Variants in RHCE observed in about 807,000 individuals in gnomAD.
The protein encoded by RHCE is Rh blood group CcEe antigens.
A neutral mutation model predicts 43.8 loss-of-function variants in RHCE; 22 were observed. That is an observed-to-expected ratio of 0.50 (90% confidence interval 0.36 to 0.72). RHCE has a LOEUF of 0.72. Among genes scored for constraint, RHCE ranks in the 30% least tolerant of loss-of-function variants. RHCE has a pLI of 0.00. For missense variants in RHCE, 385 were observed against 525.4 expected, an observed-to-expected ratio of 0.73 and a Z score of 2.61; for synonymous variants, 156 against 210.7, an observed-to-expected ratio of 0.74 and a Z score of 2.25.
chr1:25,372,120 A>C (rs1645627950), intron 8 of RHCE, among the ~76,000 whole-genome samples: 1 of 151,676 alleles, frequency 6.6e-6, no homozygotes. Context: ...CACTAGGAAC[A>C]CCCACTTATA....
chr1:25,408,790 A>G lies in RHCE; in HGVS notation c.228T>C (p.Ser76=). ...TSNFRRHSWS[S]VAFNLFMLAL... Reference sequence around the variant, plus strand: ...CCAGCATGAAGAGGTTGAAGGCCACACTGCTCCAGCTGTGTCTCCGGAAAT... The same window carrying G: ...CCAGCATGAAGAGGTTGAAGGCCACGCTGCTCCAGCTGTGTCTCCGGAAAT... Residue 76 remains serine (S), a synonymous_variant, in exon 2 of 10, where the codon AGT becomes AGC. Transcript: ENST00000294413. The G allele has an allele frequency of 7.8e-7, 1 of 1,282,792 alleles. No individual in the cohort carries two copies. The highest frequency in any genetic ancestry group is 1.4e-5 in the African/African-American group (1 of 72,558). 79.5% of individuals were successfully genotyped at this position (1,282,792 alleles called of 1,614,324 possible). A position where few individuals can be genotyped will look rare whatever the true frequency, so the allele number is the denominator to read the frequency against.
intron 6 of RHCE, among the ~76,000 whole-genome samples, chr1:25,387,183 C>T (rs1369024641): frequency 6.6e-6 from 1 of 152,212 alleles, no homozygotes; most frequent in Non-Finnish European, 1.5e-5. Flanking sequence ...TTGGGCCACA[C>T]ACTCTTCTTA....
At chr1:25,369,982 C>A (rs545790697) in intron 9 of RHCE, among the ~76,000 whole-genome samples, 6 of 151,326 alleles carry the variant, frequency 4.0e-5, no homozygotes, top group South Asian at 2.1e-4. Context: ...CAGGTGATCG[C>A]CCCACCTCAG....
chr1:25,411,540 T>C (rs1647078169), intron 1 of RHCE: 1 of 1,410,922 alleles, frequency 7.1e-7, no homozygotes, highest in South Asian at 1.5e-5. Context: ...CACCAGGATA[T>C]AGGAGACCCC....
chr1:25,428,098 A>G (rs2042818585), intron 2 of RHCE, among the ~76,000 whole-genome samples: 1 of 152,342 alleles, frequency 6.6e-6, no homozygotes, highest in Admixed American at 6.5e-5. Context: ...TTGCCACAGC[A>G]TGAGATGCCC....
chr1:25,389,871 C>T (rs1011091788), intron 5 of RHCE, among the ~76,000 whole-genome samples: 1 of 152,138 alleles, frequency 6.6e-6, no homozygotes, highest in African/African-American at 2.4e-5. Context: ...ACCCTCAGCT[C>T]TCACCTAGGT....
upstream of RHCE, among the ~76,000 whole-genome samples, chr1:25,422,003 G>A (rs1410937167): frequency 6.6e-6 from 1 of 152,084 alleles, no homozygotes; most frequent in African/African-American, 2.4e-5. Context: ...GTCACTAGAG[G>A]AATGCAGAAA....
intron 2 of RHCE, among the ~76,000 whole-genome samples, chr1:25,406,509 C>T (rs1646926154): frequency 8.4e-6 from 1 of 118,818 alleles, no homozygotes; most frequent in Non-Finnish European, 1.9e-5. Context: ...GACAGGATTT[C>T]ACCATGTTGC....
rs565386861 is a variant in RHCE, at chr1:25,429,609, CAGTATGACTACTATTCT to C, written c.-137+314_-137+330del. Reference sequence around the variant, plus strand: ...CATGTAAAAATGCTTATGTTAAAAACAGTATGACTACTATTCTAGTATGACTACTATTCTAGTATGAC... The same window carrying C: ...CATGTAAAAATGCTTATGTTAAAAACAGTATGACTACTATTCTAGTATGAC... On this transcript the variant is annotated intron_variant, in intron 1 of 11. Transcript: ENST00000349320. Among the ~76,000 whole-genome samples the C allele has an allele frequency of 5.1e-4, 78 of 152,284 alleles. 1 individual carries two copies. The highest frequency in any genetic ancestry group is 1.3e-3 in the African/African-American group (54 of 41,566).
intron 7 of RHCE, among the ~76,000 whole-genome samples, chr1:25,382,033 C>G (rs1646017816): frequency 6.6e-6 from 1 of 151,286 alleles, no homozygotes; most frequent in South Asian, 2.1e-4. Flanking sequence ...TGGTGAGGGC[C>G]TTCTTGCTGC....
At chr1:25,422,078 TTTG>T (rs1348980688), upstream of RHCE, among the ~76,000 whole-genome samples, 3 of 152,186 alleles carry the variant, frequency 2.0e-5, no homozygotes, top group African/African-American at 4.8e-5. Context: ...ATCCTGTCAT[TTTG>T]TTTTTAGACC....
intron 3 of RHCE, among the ~76,000 whole-genome samples, chr1:25,394,967 A>C (rs1161480637): frequency 6.7e-6 from 1 of 148,720 alleles, no homozygotes; most frequent in Non-Finnish European, 1.5e-5. Flanking sequence ...ATGAATACTG[A>C]AAATCAGTGC....
chr1:25,391,736 T>C (rs1474641562), intron 4 of RHCE, among the ~76,000 whole-genome samples: 4 of 152,144 alleles, frequency 2.6e-5, no homozygotes, highest in African/African-American at 9.7e-5. Flanking sequence ...AACAAAGGGA[T>C]TGGATAAACT....
chr1:25,390,036 C>A (rs1052159625), intron 5 of RHCE, among the ~76,000 whole-genome samples: 2 of 151,942 alleles, frequency 1.3e-5, no homozygotes, highest in African/African-American at 2.4e-5. Context: ...CCACTCCAGC[C>A]CCCCCAGTGC....
At chr1:25,371,620 G>C (rs537670540) in intron 8 of RHCE, among the ~76,000 whole-genome samples, 1 of 151,474 alleles carries the variant, frequency 6.6e-6, no homozygotes, top group East Asian at 1.9e-4. Context: ...TGATCTGCCC[G>C]CCTTTGCCTT....
chr1:25,425,953 T>C lies in RHCE; in HGVS notation c.-40+3000A>G, dbSNP rs910083165. On this transcript the variant is annotated intron_variant, in intron 2 of 11. Coordinates refer to the RHCE transcript ENST00000349320. ...ATTTAACACACATGAGCTTTGGAGTTAGGCAACCTGGTTCAAATTCTGGCT... is the reference window on the plus strand; with the variant it reads ...ATTTAACACACATGAGCTTTGGAGTCAGGCAACCTGGTTCAAATTCTGGCT... 2.6e-5 allele frequency among the ~76,000 whole-genome samples: 4 copies of C among 152,230 alleles called. No homozygotes were observed. The East Asian group carries it at 7.7e-4, about 29-fold the overall frequency.
chr1:25,367,945 G>A (rs1412036065), intron 9 of RHCE, among the ~76,000 whole-genome samples: 1 of 150,482 alleles, frequency 6.6e-6, no homozygotes, highest in Non-Finnish European at 1.5e-5. Context: ...ACTGCATTAC[G>A]GTGTGGGTGG....
intron 1 of RHCE, among the ~76,000 whole-genome samples, chr1:25,416,225 G>A (rs609428): frequency 2.0e-5 from 3 of 152,050 alleles, no homozygotes; most frequent in East Asian, 3.9e-4. Context: ...TATTCTTCAT[G>A]TTGCAACTAA....
intron 1 of RHCE, among the ~76,000 whole-genome samples, chr1:25,418,055 G>T (rs1478626420): frequency 6.6e-6 from 1 of 152,130 alleles, no homozygotes; most frequent in African/African-American, 2.4e-5. Flanking sequence ...TTCAGACAGA[G>T]TCCCACTCTG....
Sources: allele counts gnomAD v4.1 joint callset (sites outside exome capture counted in the v4.1 genomes callset), GRCh38; gene constraint gnomAD v4.1.1; transcripts MANE v1.5; gene names NCBI Gene and HGNC (gene_info 2026-07-23, HGNC 2026-07-21).